NRXN1: variants seen among roughly 807,000 people sequenced by gnomAD.
NRXN1 encodes the protein neurexin-1.
In NRXN1, 39 loss-of-function variants were observed where a neutral mutation model predicts 150.9. The ratio of observed to expected loss-of-function variants is 0.26; its 90% CI spans 0.20 to 0.34. The LOEUF is 0.34. Among genes scored for constraint, NRXN1 ranks in the 10% least tolerant of loss-of-function variants. The pLI, the probability that NRXN1 is intolerant of heterozygous loss-of-function variation, is 1.00. For synonymous variants in NRXN1, 924 were observed against 757.0 expected (o/e 1.22, Z -3.62); for missense variants, 1,815 against 1,949.9 (o/e 0.93, Z 1.30).
intron 5 of NRXN1, among the ~76,000 whole-genome samples, chr2:50,819,570 C>T (rs1669421103): frequency 6.6e-6 from 1 of 151,948 alleles, no homozygotes; most frequent in Non-Finnish European, 1.5e-5. Flanking sequence ...TAGAGAGTTT[C>T]AGTCACGCAA....
At chr2:49,929,434 T>G (rs1669729134) in intron 22 of NRXN1, among the ~76,000 whole-genome samples, 1 of 152,232 alleles carries the variant, frequency 6.6e-6, no homozygotes, top group African/African-American at 2.4e-5. Flanking sequence ...CATAGACTTT[T>G]TACATAGTCA....
At chr2:50,343,327 T>A (rs1039012245) in intron 17 of NRXN1, among the ~76,000 whole-genome samples, 1 of 152,204 alleles carries the variant, frequency 6.6e-6, no homozygotes, top group African/African-American at 2.4e-5. Context: ...TCCCCACATA[T>A]GGCACATCAC....
chr2:50,792,636 G>T (rs555632160), intron 5 of NRXN1, among the ~76,000 whole-genome samples: 157 of 152,012 alleles, frequency 1.0e-3, no homozygotes, highest in Admixed American at 2.8e-3. Flanking sequence ...TTACCAATGA[G>T]AAAATGGGTA....
chr2:49,984,734 C>G (rs1403769477), intron 21 of NRXN1, among the ~76,000 whole-genome samples: 3 of 151,872 alleles, frequency 2.0e-5, no homozygotes, highest in African/African-American at 7.3e-5. Context: ...CACACACACA[C>G]ACACACACAC....
At chr2:50,426,829 T>C (rs927428070) in intron 17 of NRXN1, among the ~76,000 whole-genome samples, 1 of 152,192 alleles carries the variant, frequency 6.6e-6, no homozygotes, top group African/African-American at 2.4e-5. Flanking sequence ...ACCATCATAA[T>C]TGACAAAATA....
chr2:50,467,853 C>T (rs10192802), intron 16 of NRXN1, among the ~76,000 whole-genome samples: 93 of 151,368 alleles, frequency 6.1e-4, no homozygotes, highest in Non-Finnish European at 1.1e-3. Flanking sequence ...GAACTAAGAA[C>T]CACTAAACTC....
At chr2:50,020,546 A>G (rs1169797654) in intron 21 of NRXN1, among the ~76,000 whole-genome samples, 1 of 152,232 alleles carries the variant, frequency 6.6e-6, no homozygotes, top group East Asian at 1.9e-4. Context: ...TGTAATTCAC[A>G]TATTAACTAC....
At chr2:50,677,066 G>A (rs1689650932) in intron 5 of NRXN1, among the ~76,000 whole-genome samples, 2 of 152,264 alleles carry the variant, frequency 1.3e-5, no homozygotes, top group African/African-American at 2.4e-5. Context: ...TGCCAAGTAA[G>A]TATGAACTAT....
intron 15 of NRXN1, 42 bp from the exon 16 acceptor site, chr2:50,472,513 A>G (rs2089593223): frequency 2.6e-6 from 4 of 1,544,824 alleles, no homozygotes; most frequent in Non-Finnish European, 3.6e-6. Flanking sequence ...GTACCATGTC[A>G]TTGACTTTAA....
chr2:49,925,667 A>G (rs1267414363), intron 22 of NRXN1, among the ~76,000 whole-genome samples: 1 of 152,214 alleles, frequency 6.6e-6, no homozygotes, highest in African/African-American at 2.4e-5. Flanking sequence ...CTAAAATAAG[A>G]CATTTTTAAA....
At chr2:50,239,700 ATATATATATATATATT>A (rs1229308454) in intron 17 of NRXN1, among the ~76,000 whole-genome samples, 3 of 104,056 alleles carry the variant, frequency 2.9e-5, no homozygotes, top group African/African-American at 4.5e-5. Context: ...ATATATATAT[ATATATATATATATATT>A]TATGACAGAA....
intron 17 of NRXN1, among the ~76,000 whole-genome samples, chr2:50,387,774 TA>T (rs1264836701): frequency 3.3e-5 from 5 of 152,188 alleles, no homozygotes. Context: ...ATTTTCAAGA[TA>T]TTTTTAAACA....
At chr2:50,102,099 T>C (rs1701059792) in intron 18 of NRXN1, among the ~76,000 whole-genome samples, 1 of 152,006 alleles carries the variant, frequency 6.6e-6, no homozygotes, top group Non-Finnish European at 1.5e-5. Flanking sequence ...TGGTAAGTAA[T>C]AATTCCTACA....
chr2:50,308,265 C>G (rs1271940576), intron 17 of NRXN1, among the ~76,000 whole-genome samples: 1 of 152,152 alleles, frequency 6.6e-6, no homozygotes, highest in South Asian at 2.1e-4. Context: ...CATCTCCCCC[C>G]ACCTCCCTGA....
At chr2:50,453,909 T>A (rs1285530554) in intron 17 of NRXN1, among the ~76,000 whole-genome samples, 1 of 152,170 alleles carries the variant, frequency 6.6e-6, no homozygotes, top group African/African-American at 2.4e-5. Context: ...CAAATAAGTA[T>A]TGTAGCATTT....
intron 18 of NRXN1, among the ~76,000 whole-genome samples, chr2:50,196,329 T>C (rs2061763013): frequency 6.6e-6 from 1 of 152,154 alleles, no homozygotes; most frequent in Admixed American, 6.6e-5. Flanking sequence ...TGTTCTATCA[T>C]ACAAAAACAC....
chr2:50,970,304 G>A (rs1023784896), intron 2 of NRXN1, among the ~76,000 whole-genome samples: 16 of 152,072 alleles, frequency 1.1e-4, no homozygotes, highest in African/African-American at 3.9e-4. Context: ...GGAGGTCAGA[G>A]AAAAACTTTA....
intron 19 of NRXN1, among the ~76,000 whole-genome samples, chr2:50,090,345 AT>A (rs1301415787): frequency 6.6e-6 from 1 of 152,242 alleles, no homozygotes; most frequent in African/African-American, 2.4e-5. Flanking sequence ...TTAAATATAA[AT>A]TTTGATTATT....
intron 18 of NRXN1, among the ~76,000 whole-genome samples, chr2:50,164,954 T>C (rs541222575): frequency 6.6e-6 from 1 of 152,272 alleles, no homozygotes; most frequent in East Asian, 1.9e-4. Context: ...ACATGATCCC[T>C]GTGGCTTGAG....
Sources: allele counts gnomAD v4.1 joint callset (sites outside exome capture counted in the v4.1 genomes callset), GRCh38; gene constraint gnomAD v4.1.1; transcripts MANE v1.5; gene names NCBI Gene and HGNC (gene_info 2026-07-23, HGNC 2026-07-21).